GLRA3: variants seen among roughly 807,000 people sequenced by gnomAD.
GLRA3 encodes the protein glycine receptor alpha 3.
GLRA3 carries 44 observed loss-of-function variants against 60.4 expected under a neutral mutation model. The ratio of observed to expected loss-of-function variants is 0.73; its 90% CI spans 0.57 to 0.94. The LOEUF (loss-of-function observed/expected upper bound fraction) is 0.94, where lower values mean the gene tolerates loss of function less well. GLRA3 is among the 40% of genes least tolerant of loss of function. The pLI is 0.00. For missense variants in GLRA3, 508 were observed against 564.6 expected, an observed-to-expected ratio of 0.90 and a Z score of 1.02; for synonymous variants, 223 against 192.9, an observed-to-expected ratio of 1.16 and a Z score of -1.29.
chr4:174,708,487 A>G (rs1735593389), intron 5 of GLRA3, among the ~76,000 whole-genome samples: 1 of 151,882 alleles, frequency 6.6e-6, no homozygotes, highest in Non-Finnish European at 1.5e-5. Context: ...GGCCCTTAAC[A>G]ATTACCCTGT....
intron 2 of GLRA3, among the ~76,000 whole-genome samples, chr4:174,785,150 A>AT (rs1438696513): frequency 5.3e-5 from 8 of 152,090 alleles, no homozygotes; most frequent in South Asian, 2.1e-4. Flanking sequence ...AAGAGGTGAG[A>AT]TTTTTTTAAA....
At chr4:174,708,652 T>C (rs11939781) in intron 5 of GLRA3, among the ~76,000 whole-genome samples, 5,167 of 150,190 alleles carry the variant, frequency 0.034, 286 homozygotes, top group African/African-American at 0.12. Flanking sequence ...CGGGCTGCAG[T>C]GCAATACATT....
intron 2 of GLRA3, among the ~76,000 whole-genome samples, chr4:174,786,274 C>G (rs1199330612): frequency 1.3e-5 from 2 of 151,892 alleles, no homozygotes; most frequent in African/African-American, 4.8e-5. Context: ...ACAAAATCAA[C>G]AAGGCAAGGG....
chr4:174,651,557 A>G lies in GLRA3; in HGVS notation c.1116+5186T>C, dbSNP rs532931042. 5.3e-5 allele frequency among the ~76,000 whole-genome samples: 8 copies of G among 152,304 alleles called. No homozygotes were observed. In the South Asian group the frequency reaches 1.4e-3, roughly 28 times the overall value. On this transcript the variant is annotated intron_variant, in intron 9 of 9. Coordinates refer to ENST00000274093, the MANE Select transcript of GLRA3 (RefSeq NM_006529.4). ...AAATAACAACTTGAATCATTTTACT[A>G]TTAGATGTTTTAAACTCAGAGTAAC...
Position 174,728,639 on chromosome 4 carries a change from A to C in GLRA3, c.327T>G (p.Ser109Arg), listed in dbSNP as rs780735897. Residue 109 changes from serine to arginine, a missense_variant, in exon 4 of 10, where the codon AGT becomes AGG. This residue lies in a region of GLRA3 where 329 missense variants were observed against 349.3 expected (regional missense o/e 0.94). Transcript: ENST00000274093. ...QKWNDPRLAY[S>R]EYPDDSLDLD... ...GGTCTAAAGAGTCGTCAGGATATTC[A>C]CTGTACGCGAGGCGGGGATCATTCC... 1 of 1,612,174 alleles carries C rather than the reference A, an allele frequency of 6.2e-7. No homozygotes were observed. The highest frequency in any genetic ancestry group is 1.3e-5 in the African/African-American group (1 of 74,978).
chr4:174,657,326 T>G (rs12498212), intron 8 of GLRA3, among the ~76,000 whole-genome samples: 45,858 of 152,024 alleles, frequency 0.3, 8,029 homozygotes, highest in Admixed American at 0.47. Context: ...GTCTGAGCTT[T>G]CACAGTTTAC....
chr4:174,706,072 T>C (rs550482302), intron 5 of GLRA3, among the ~76,000 whole-genome samples: 2 of 151,650 alleles, frequency 1.3e-5, no homozygotes, highest in Admixed American at 6.6e-5. Flanking sequence ...TACTAAAAAA[T>C]ACAAAAAATT....
intron 2 of GLRA3, among the ~76,000 whole-genome samples, chr4:174,786,290 A>G (rs928211292): frequency 1.3e-5 from 2 of 152,032 alleles, no homozygotes; most frequent in African/African-American, 4.8e-5. Context: ...AAGGGATTGT[A>G]TTTTTAGTCA....
chr4:174,779,423 G>A (rs976180146), intron 2 of GLRA3, among the ~76,000 whole-genome samples: 2 of 152,114 alleles, frequency 1.3e-5, no homozygotes, highest in Non-Finnish European at 2.9e-5. Context: ...TCTTCCAAAG[G>A]AACACAGTTC....
intron 3 of GLRA3, among the ~76,000 whole-genome samples, chr4:174,749,315 T>C (rs144519607): frequency 6.6e-6 from 1 of 152,208 alleles, no homozygotes; most frequent in Non-Finnish European, 1.5e-5. Flanking sequence ...TAAATTCCTT[T>C]CTGTGAGGTG....
At chr4:174,685,171 A>C (rs1173564738) in intron 5 of GLRA3, among the ~76,000 whole-genome samples, 1 of 152,172 alleles carries the variant, frequency 6.6e-6, no homozygotes, top group Non-Finnish European at 1.5e-5. Flanking sequence ...GGAGCTGGTT[A>C]AGCTGAATAG....
chr4:174,814,744 C>T (rs1040529478), intron 1 of GLRA3, among the ~76,000 whole-genome samples: 2 of 152,086 alleles, frequency 1.3e-5, no homozygotes, highest in East Asian at 1.9e-4. Flanking sequence ...GTCACAAGAA[C>T]AGCATGGGAA....
chr4:174,823,809 T>C (rs1447276488), intron 1 of GLRA3, among the ~76,000 whole-genome samples: 1 of 152,154 alleles, frequency 6.6e-6, no homozygotes, highest in African/African-American at 2.4e-5. Context: ...TCTTGATAAG[T>C]GATAGAAAGA....
chr4:174,675,677 A>G, intron 7 of GLRA3, among the ~76,000 whole-genome samples: 1 of 152,220 alleles, frequency 6.6e-6, no homozygotes, highest in East Asian at 1.9e-4. Context: ...AAACAGATTT[A>G]TAATTTTCAC....
intron 3 of GLRA3, among the ~76,000 whole-genome samples, chr4:174,761,765 T>C (rs1579565914): frequency 6.6e-6 from 1 of 152,148 alleles, no homozygotes; most frequent in Non-Finnish European, 1.5e-5. Flanking sequence ...TTAAAAGGGG[T>C]ATAAGCAGGC....
chr4:174,756,769 C>T (rs1029094321), intron 3 of GLRA3, among the ~76,000 whole-genome samples: 4 of 151,942 alleles, frequency 2.6e-5, no homozygotes, highest in African/African-American at 9.7e-5. Flanking sequence ...CTCAGCCTCC[C>T]GAGTAGCTGG....
intron 6 of GLRA3, among the ~76,000 whole-genome samples, chr4:174,680,701 T>C (rs1412092783): frequency 1.3e-5 from 2 of 152,140 alleles, no homozygotes; most frequent in Non-Finnish European, 2.9e-5. Flanking sequence ...AGACAGATCA[T>C]AGGATGCTGT....
intron 2 of GLRA3, among the ~76,000 whole-genome samples, chr4:174,783,876 T>C (rs956972430): frequency 8.5e-5 from 13 of 152,178 alleles, no homozygotes; most frequent in African/African-American, 3.1e-4. Flanking sequence ...TTGGTGGTAC[T>C]GTAAACTAGT....
intron 3 of GLRA3, among the ~76,000 whole-genome samples, chr4:174,742,130 A>G (rs1305634764): frequency 6.6e-6 from 1 of 152,152 alleles, no homozygotes; most frequent in Non-Finnish European, 1.5e-5. Context: ...TTTAAAAATA[A>G]TAGTTAAAAT....
Sources: gnomAD v4.1 joint callset for allele counts (sites outside exome capture counted in the v4.1 genomes callset) on GRCh38, gnomAD v4.1.1 for gene constraint, gnomAD v4.1.1 regional missense constraint, MANE v1.5 for transcripts, NCBI Gene and HGNC (gene_info 2026-07-23, HGNC 2026-07-21) for gene names.